CCNT2: variants seen among roughly 807,000 people sequenced by gnomAD.
CCNT2 encodes cyclin T2.
A neutral mutation model predicts 70.0 loss-of-function variants in CCNT2; 18 were observed. That is an observed-to-expected ratio of 0.26 (90% CI 0.18 to 0.38). The LOEUF (loss-of-function observed/expected upper bound fraction) is 0.38, where lower values mean the gene tolerates loss of function less well. CCNT2 is among the 10% of genes least tolerant of loss of function. The probability of loss-of-function intolerance (pLI) is 1.00; values close to 1 mark genes in which losing one functional copy is unlikely to be tolerated. For missense variants in CCNT2, 734 were observed against 890.2 expected (o/e 0.82, Z 2.23); for synonymous variants, 334 against 313.3 (o/e 1.07, Z -0.70).
chr2:134,931,658 T>C (rs190725787), intron 2 of CCNT2, among the ~76,000 whole-genome samples: 1 of 152,228 alleles, frequency 6.6e-6, no homozygotes, highest in South Asian at 2.1e-4. Context: ...TACTGCCATC[T>C]TCGTGATAAT....
At position 134,958,965 on chromosome 2, in the gene CCNT2, G is replaced by A. The variant is rs1384925163; in HGVS notation, c.*4317G>A. The A allele has an allele frequency of 6.6e-6, 1 of 152,156 alleles. No individual in the cohort carries two copies. Among genetic ancestry groups the A allele is most frequent in the Non-Finnish European group, 1.5e-5 (1 of 68,036 alleles). 9.4% of individuals were successfully genotyped at this position (152,156 alleles called of 1,614,324 possible). The stretch of plus-strand genomic sequence containing the variant: ...GTGGAATCCATTTATCTCAAAGTTT[G>A]AGGGCTGTCTACTTTATTTTCAAGT... On this transcript the variant is annotated 3_prime_UTR_variant, in exon 9 of 9. Transcript: ENST00000264157.
chr2:134,939,667 T>C (rs1223880235), intron 4 of CCNT2, among the ~76,000 whole-genome samples: 4 of 152,090 alleles, frequency 2.6e-5, no homozygotes, highest in African/African-American at 9.7e-5. Flanking sequence ...GGTTTCACCG[T>C]GTTGCCCAGG....
intron 3 of CCNT2, among the ~76,000 whole-genome samples, chr2:134,937,748 C>G (rs1483371404): frequency 1.3e-5 from 2 of 152,054 alleles, no homozygotes; most frequent in Non-Finnish European, 2.9e-5. Context: ...AACCCCATCT[C>G]TACTAAAAAT....
At chr2:134,944,548 A>C in intron 5 of CCNT2, 2 of 969,758 alleles carry the variant, frequency 2.1e-6, no homozygotes, top group South Asian at 9.6e-5. Context: ...GTAACTTTTA[A>C]AACATTTACA....
chr2:134,946,267 T>A, intron 6 of CCNT2, 121 bp downstream of exon 6: 1 of 1,311,888 alleles, frequency 7.6e-7, no homozygotes, highest in Non-Finnish European at 1.1e-6. Context: ...TCTACTGTGG[T>A]GGTACCTTCC....
At chr2:134,922,888 C>T (rs936299452) in intron 2 of CCNT2, among the ~76,000 whole-genome samples, 1 of 152,176 alleles carries the variant, frequency 6.6e-6, no homozygotes, top group Non-Finnish European at 1.5e-5. Context: ...TCTCATAGCA[C>T]ATCTCCAATT....
Position 134,954,682 on chromosome 2 carries a change from T to C in CCNT2, c.*34T>C. 1 of 1,440,894 alleles carries C rather than the reference T, an allele frequency of 6.9e-7. No individual in the cohort carries two copies. The highest frequency in any genetic ancestry group is 9.6e-7 in the Non-Finnish European group (1 of 1,038,010). The allele number at this position is 1,440,894 out of a possible 1,614,324, so 89.3% of individuals were successfully genotyped here. ...TTAGGTCAATTTTTCCTTTACTTTT[T>C]TAATTTAAAAATTGTTAGAATGGAA... On this transcript the variant is annotated 3_prime_UTR_variant, in exon 9 of 9. Transcript: ENST00000264157.
intron 7 of CCNT2, among the ~76,000 whole-genome samples, chr2:134,948,758 A>G (rs1005519705): frequency 2.0e-5 from 3 of 150,586 alleles, no homozygotes; most frequent in African/African-American, 7.3e-5. Flanking sequence ...TCTGTCGCCA[A>G]GGCTGGAGTG....
intron 5 of CCNT2, chr2:134,942,879 G>A (rs1681674965): frequency 7.4e-7 from 1 of 1,348,226 alleles, no homozygotes; most frequent in African/African-American, 1.5e-5. Flanking sequence ...TTTAAACATA[G>A]GTAAGAATCT....
chr2:134,922,512 G>T (rs1473698211), intron 2 of CCNT2, among the ~76,000 whole-genome samples: 1 of 152,126 alleles, frequency 6.6e-6, no homozygotes, highest in African/African-American at 2.4e-5. Context: ...ACTCAGAGTT[G>T]AATAGCTGTC....
chr2:134,931,609 T>G (rs915649080), intron 2 of CCNT2, among the ~76,000 whole-genome samples: 2 of 152,130 alleles, frequency 1.3e-5, no homozygotes, highest in African/African-American at 2.4e-5. Context: ...CTGGGATTTT[T>G]ATAGGGATGA....
intron 2 of CCNT2, among the ~76,000 whole-genome samples, chr2:134,936,533 C>A (rs975666628): frequency 1.3e-5 from 2 of 152,062 alleles, no homozygotes; most frequent in African/African-American, 4.8e-5. Flanking sequence ...GCAGATGGAT[C>A]ACCTGAGCTC....
At chr2:134,935,097 T>A (rs1681052088) in intron 2 of CCNT2, among the ~76,000 whole-genome samples, 1 of 152,238 alleles carries the variant, frequency 6.6e-6, no homozygotes, top group African/African-American at 2.4e-5. Context: ...CACATAGTGC[T>A]AAATCCTAGG....
In CCNT2 at chr2:134,957,811, TA is replaced by T. The variant is rs1683013106; in HGVS notation, c.*3167del. On this transcript the variant is annotated 3_prime_UTR_variant, in exon 9 of 9. Coordinates refer to ENST00000264157, the MANE Select transcript of CCNT2 (RefSeq NM_058241.3). ...GTTAAAGTTCTTATTCAGAGTCATC[TA>T]AAAGAAATTTCTAACATGATGTATG... 1 of 152,218 alleles carries T rather than the reference TA, an allele frequency of 6.6e-6. No individual in the cohort carries two copies. The highest frequency in any genetic ancestry group is 1.5e-5 in the Non-Finnish European group (1 of 68,036). The allele number at this position is 152,218 out of a possible 1,614,324, so 9.4% of individuals were successfully genotyped here.
At chr2:134,940,483 A>G (rs933125252) in intron 4 of CCNT2, among the ~76,000 whole-genome samples, 16 of 150,212 alleles carry the variant, frequency 1.1e-4, no homozygotes, top group Admixed American at 3.3e-4. Flanking sequence ...AGGCACACAA[A>G]CAGACAATAT....
chr2:134,931,063 C>T (rs1222797925), intron 2 of CCNT2, among the ~76,000 whole-genome samples: 2 of 151,382 alleles, frequency 1.3e-5, no homozygotes, highest in Admixed American at 6.6e-5. Context: ...CCCAAGTTCA[C>T]GCCATTCTCC....
Position 134,956,509 on chromosome 2 carries a change from T to G in CCNT2, c.*1861T>G, listed in dbSNP as rs1682935875. On this transcript the variant is annotated 3_prime_UTR_variant, in exon 9 of 9. Transcript: ENST00000264157. ...CATGGTAATTTTGATACAGTTATAC[T>G]TTTACAGTGGTACATAATCCAAGGA... 6.6e-6 allele frequency: 1 copy of G among 152,404 alleles called. No homozygotes were observed. The highest frequency in any genetic ancestry group is 1.5e-5 in the Non-Finnish European group (1 of 68,008). The allele number at this position is 152,404 out of a possible 1,614,324, so 9.4% of individuals were successfully genotyped here. A position where few individuals can be genotyped will look rare whatever the true frequency, so the allele number is the denominator to read the frequency against.
At chr2:134,934,700 C>T (rs1681023706) in intron 2 of CCNT2, among the ~76,000 whole-genome samples, 1 of 152,158 alleles carries the variant, frequency 6.6e-6, no homozygotes, top group Non-Finnish European at 1.5e-5. Context: ...TCACCAGGAA[C>T]TTTGGAAGAG....
chr2:134,953,262 T>C lies in CCNT2; in HGVS notation c.807T>C (p.Asp269=). The stretch of plus-strand genomic sequence containing the variant: ...AGGCAGCTAGGAAACCAAAAGTAGA[T>C]GGACAGGTATCAGAGACACCACTTC... ...ANQAARKPKV[D]GQVSETPLLG... is the part of the protein sequence containing the mutation. Residue 269 remains aspartate, a synonymous_variant, in exon 9 of 9, where the codon GAT becomes GAC. Transcript: ENST00000264157. 2 of 1,611,598 alleles carry C rather than the reference T, an allele frequency of 1.2e-6. No individual in the cohort carries two copies. Among genetic ancestry groups the C allele is most frequent in the Non-Finnish European group, 1.7e-6 (2 of 1,177,758 alleles).
Sources: allele counts gnomAD v4.1 joint callset (sites outside exome capture counted in the v4.1 genomes callset), GRCh38; gene constraint gnomAD v4.1.1; transcripts MANE v1.5; gene names NCBI Gene and HGNC (gene_info 2026-07-23, HGNC 2026-07-21).